ZPBP: variants seen among roughly 807,000 people sequenced by gnomAD.
ZPBP encodes the protein zona pellucida binding protein, also known as zona pellucida-binding protein 1.
A neutral mutation model predicts 44.8 loss-of-function variants in ZPBP; 26 were observed. The ratio of observed to expected loss-of-function variants is 0.58; its 90% CI spans 0.43 to 0.81. The LOEUF (loss-of-function observed/expected upper bound fraction) is 0.81. Among genes scored for constraint, ZPBP ranks in the 30% least tolerant of loss-of-function variants. ZPBP has a pLI of 0.00. For synonymous variants in ZPBP, 174 were observed against 153.2 expected, an observed-to-expected ratio of 1.14 and a Z score of -1.00; for missense variants, 409 against 434.0, an observed-to-expected ratio of 0.94 and a Z score of 0.51.
chr7:50,028,217 C>A (rs1464732170), intron 5 of ZPBP, among the ~76,000 whole-genome samples: 2 of 151,662 alleles, frequency 1.3e-5, no homozygotes, highest in African/African-American at 4.8e-5. Context: ...TCCAGGAATG[C>A]AAAGATTGTT....
Position 49,971,633 on chromosome 7 carries a change from G to T in ZPBP, c.961+11709C>A, listed in dbSNP as rs182464318. ...CAGTAATCAAAAACTTTCTTATAAA[G>T]AAGAGCCCAGCAAGATGGTTTCACT... is the stretch of plus-strand genomic sequence containing the variant. On this transcript the variant is annotated intron_variant, in intron 7 of 7. Transcript: ENST00000046087. 2.0e-3 allele frequency among the ~76,000 whole-genome samples: 300 copies of T among 152,106 alleles called. 1 individual carries two copies. Among genetic ancestry groups the T allele is most frequent in the South Asian group, 0.011 (51 of 4,824 alleles).
At chr7:49,941,495 C>T (rs2128753406) in intron 7 of ZPBP, among the ~76,000 whole-genome samples, 1 of 152,136 alleles carries the variant, frequency 6.6e-6, no homozygotes, top group African/African-American at 2.4e-5. Context: ...TGTTTGTGTA[C>T]ATTAACAATA....
downstream of ZPBP, among the ~76,000 whole-genome samples, chr7:49,935,371 TC>T (rs1794585259): frequency 6.6e-6 from 1 of 152,022 alleles, no homozygotes; most frequent in Non-Finnish European, 1.5e-5. Flanking sequence ...TCCTATTTTG[TC>T]CTTTACTTCA....
chr7:49,999,792 A>G (rs1019488676), intron 6 of ZPBP, among the ~76,000 whole-genome samples: 3 of 152,164 alleles, frequency 2.0e-5, no homozygotes, highest in Admixed American at 2.0e-4. Context: ...CAGTCGAACA[A>G]TTCAAATGGT....
intron 2 of ZPBP, among the ~76,000 whole-genome samples, chr7:49,863,284 T>C (rs1185550763): frequency 6.6e-6 from 1 of 152,242 alleles, no homozygotes; most frequent in African/African-American, 2.4e-5. Context: ...CAATCCTTTC[T>C]ATTTCTGTGA....
At chr7:50,087,797 G>A (rs1412971184) in intron 2 of ZPBP, among the ~76,000 whole-genome samples, 1 of 151,956 alleles carries the variant, frequency 6.6e-6, no homozygotes, top group African/African-American at 2.4e-5. Context: ...TTGAAATAAT[G>A]GAAAGACCCC....
chr7:50,074,665 A>G (rs984149307), intron 3 of ZPBP, among the ~76,000 whole-genome samples: 2 of 151,732 alleles, frequency 1.3e-5, no homozygotes, highest in African/African-American at 4.8e-5. Flanking sequence ...ACTATCAGAG[A>G]AAAAAAATGG....
chr7:49,968,497 A>G (rs1796154250), intron 7 of ZPBP, among the ~76,000 whole-genome samples: 1 of 152,082 alleles, frequency 6.6e-6, no homozygotes, highest in Non-Finnish European at 1.5e-5. Flanking sequence ...ATTTACATCA[A>G]AAGATATCAA....
intron 7 of ZPBP, among the ~76,000 whole-genome samples, chr7:49,981,554 A>ATATAT (rs1199145685): frequency 6.3e-5 from 5 of 79,830 alleles, no homozygotes; most frequent in African/African-American, 2.3e-4. Flanking sequence ...TAATTATATA[A>ATATAT]ATTATATATT....
At chr7:49,992,388 C>T (rs1373228932) in intron 6 of ZPBP, among the ~76,000 whole-genome samples, 1 of 151,924 alleles carries the variant, frequency 6.6e-6, no homozygotes, top group Non-Finnish European at 1.5e-5. Flanking sequence ...GAATCTGTAT[C>T]ATGAAAAGAG....
chr7:49,915,609 A>G (rs767156545), intron 1 of ZPBP: 2 of 152,208 alleles, frequency 1.3e-5, no homozygotes, highest in Admixed American at 6.6e-5. Context: ...AACTTACAAA[A>G]TATACACTGT....
At chr7:49,981,684 AT>A (rs1257980864) in intron 7 of ZPBP, among the ~76,000 whole-genome samples, 716 of 41,324 alleles carry the variant, frequency 0.017, 224 homozygotes, top group African/African-American at 0.099. Context: ...ATTATATATA[AT>A]AATATATATA....
chr7:49,985,699 T>C (rs977561498), intron 6 of ZPBP, among the ~76,000 whole-genome samples: 1 of 149,820 alleles, frequency 6.7e-6, no homozygotes, highest in African/African-American at 2.5e-5. Context: ...TAGTGATAGA[T>C]GCAGGAGGCA....
chr7:50,042,622 A>C (rs1269402753), intron 4 of ZPBP, among the ~76,000 whole-genome samples: 3 of 152,190 alleles, frequency 2.0e-5, no homozygotes, highest in East Asian at 3.8e-4. Flanking sequence ...AAATGCTGAG[A>C]GATTGTGTCA....
At chr7:49,900,076 G>A (rs1583788881) in intron 2 of ZPBP, among the ~76,000 whole-genome samples, 1 of 151,470 alleles carries the variant, frequency 6.6e-6, no homozygotes. Context: ...ATAACACATG[G>A]AGCCTAGAAG....
intron 3 of ZPBP, among the ~76,000 whole-genome samples, chr7:50,063,098 T>C (rs1379479440): frequency 6.6e-6 from 1 of 152,200 alleles, no homozygotes; most frequent in African/African-American, 2.4e-5. Context: ...AAATAACATG[T>C]TTTACGACTG....
chr7:49,890,799 A>G (rs1205646393), intron 2 of ZPBP, among the ~76,000 whole-genome samples: 1 of 152,166 alleles, frequency 6.6e-6, no homozygotes, highest in Non-Finnish European at 1.5e-5. Context: ...CTCACAGGAA[A>G]GGAAGGCTCA....
intron 1 of ZPBP, among the ~76,000 whole-genome samples, chr7:49,929,405 G>C (rs1427151655): frequency 1.3e-5 from 2 of 152,202 alleles, no homozygotes; most frequent in Non-Finnish European, 2.9e-5. Flanking sequence ...GCCGATGACA[G>C]CCTGTGAGTG....
At chr7:49,852,210 T>C (rs1475703219) in intron 2 of ZPBP, among the ~76,000 whole-genome samples, 1 of 152,168 alleles carries the variant, frequency 6.6e-6, no homozygotes, top group Non-Finnish European at 1.5e-5. Context: ...ATGGCCTGCA[T>C]CAAAAGTCCA....
Sources: gnomAD v4.1 joint callset for allele counts (sites outside exome capture counted in the v4.1 genomes callset) on GRCh38, gnomAD v4.1.1 for gene constraint, MANE v1.5 for transcripts, NCBI Gene and HGNC (gene_info 2026-07-23, HGNC 2026-07-21) for gene names.